The following EPB41L4A variants were observed in gnomAD, a reference collection of about 807,000 sequenced individuals.
EPB41L4A encodes erythrocyte membrane protein band 4.1 like 4A, also known as band 4.1-like protein 4A.
EPB41L4A carries 100 observed loss-of-function variants against 108.6 expected under a neutral mutation model. The observed-to-expected ratio is 0.92, with a 90% CI of 0.78 to 1.09. The LOEUF (loss-of-function observed/expected upper bound fraction) is 1.09, where lower values mean the gene tolerates loss of function less well. EPB41L4A is among the 50% of genes least tolerant of loss of function. The pLI, the probability that EPB41L4A is intolerant of heterozygous loss-of-function variation, is 0.00. For missense variants in EPB41L4A, 1,030 were observed against 842.7 expected (o/e 1.22, Z -2.75); for synonymous variants, 319 against 289.0 (o/e 1.10, Z -1.05).
At chr5:112,288,715 G>A (rs996656376) in intron 2 of EPB41L4A, among the ~76,000 whole-genome samples, 4 of 152,144 alleles carry the variant, frequency 2.6e-5, no homozygotes, top group Non-Finnish European at 4.4e-5. Context: ...GGGCGGGTAG[G>A]CAGGAAACAT....
chr5:112,160,574 T>TA (rs1424278653), downstream of EPB41L4A: 2 of 152,510 alleles, frequency 1.3e-5, no homozygotes, highest in Non-Finnish European at 2.9e-5. Flanking sequence ...CTCCTGCCGC[T>TA]GCCAGCACTG....
At chr5:112,228,617 T>C (rs1561492026) in intron 12 of EPB41L4A, 2 of 808,068 alleles carry the variant, frequency 2.5e-6, no homozygotes, top group Non-Finnish European at 3.0e-6. Context: ...CCATTACTTT[T>C]CTTATAGCTA....
intron 9 of EPB41L4A, chr5:112,256,862 G>C (rs1751133515): frequency 6.6e-6 from 1 of 152,226 alleles, no homozygotes; most frequent in East Asian, 1.9e-4. Context: ...CTTCTTTGCA[G>C]GGTATTTTCT....
At chr5:112,300,444 T>C (rs1754278082) in intron 2 of EPB41L4A, among the ~76,000 whole-genome samples, 1 of 152,182 alleles carries the variant, frequency 6.6e-6, no homozygotes, top group Admixed American at 6.5e-5. Context: ...TGGCTGATAA[T>C]TGTTTTGTTT....
At chr5:112,264,758 A>G in intron 6 of EPB41L4A, 138 bp downstream of exon 6, 1 of 754,616 alleles carries the variant, frequency 1.3e-6, no homozygotes, top group Non-Finnish European at 1.9e-6. Context: ...AGTTAAAATC[A>G]GTTAAACTAT....
intron 2 of EPB41L4A, among the ~76,000 whole-genome samples, chr5:112,296,986 T>C (rs1405682280): frequency 7.9e-6 from 1 of 126,392 alleles, no homozygotes; most frequent in Non-Finnish European, 1.6e-5. Context: ...CATATATACA[T>C]ACATACACAC....
At chr5:112,171,560 C>A (rs935950132) in intron 18 of EPB41L4A, among the ~76,000 whole-genome samples, 1 of 152,240 alleles carries the variant, frequency 6.6e-6, no homozygotes, top group Non-Finnish European at 1.5e-5. Flanking sequence ...CATGCTGCCA[C>A]CCTCTTTACG....
chr5:112,351,403 C>G (rs1221279206), intron 1 of EPB41L4A, among the ~76,000 whole-genome samples: 3 of 152,068 alleles, frequency 2.0e-5, no homozygotes, highest in African/African-American at 7.2e-5. Flanking sequence ...GTACAACCCC[C>G]CAAGACTGAC....
intron 13 of EPB41L4A, chr5:112,143,918 T>C (rs1479431624): frequency 2.2e-6 from 1 of 452,464 alleles, no homozygotes; most frequent in Middle Eastern, 3.3e-4. Context: ...TGTGCTCAGT[T>C]GCCAAAGACA....
intron 1 of EPB41L4A, among the ~76,000 whole-genome samples, chr5:112,411,288 G>C (rs1206866347): frequency 6.6e-6 from 1 of 152,094 alleles, no homozygotes; most frequent in Non-Finnish European, 1.5e-5. Flanking sequence ...GGCAATGTGA[G>C]TAGATGCACA....
intron 2 of EPB41L4A, among the ~76,000 whole-genome samples, chr5:112,284,928 T>C (rs1753187902): frequency 6.6e-6 from 1 of 152,206 alleles, no homozygotes; most frequent in Non-Finnish European, 1.5e-5. Flanking sequence ...ATTTCCTTGG[T>C]AACAGTCTCA....
intron 16 of EPB41L4A, among the ~76,000 whole-genome samples, chr5:112,195,069 A>AT (rs1272956651): frequency 1.3e-5 from 2 of 152,070 alleles, no homozygotes; most frequent in African/African-American, 2.4e-5. Flanking sequence ...CTTGTGACTG[A>AT]TTTTACCAAT....
At chr5:112,193,675 A>G (rs1761818897) in intron 17 of EPB41L4A, among the ~76,000 whole-genome samples, 1 of 152,228 alleles carries the variant, frequency 6.6e-6, no homozygotes, top group African/African-American at 2.4e-5. Context: ...CATTAGGTGA[A>G]AACAGGTTTC....
At chr5:112,259,319 T>C in intron 8 of EPB41L4A, 27 bp from the exon 9 acceptor site, 1 of 1,601,646 alleles carries the variant, frequency 6.2e-7, no homozygotes, top group Non-Finnish European at 8.6e-7. Context: ...ATGGTGTTGC[T>C]GCTGTTTTTA....
intron 10 of EPB41L4A, 64 bp from the exon 11 acceptor site, chr5:112,239,801 C>T (rs958814725): frequency 9.5e-7 from 1 of 1,048,634 alleles, no homozygotes; most frequent in African/African-American, 1.6e-5. Flanking sequence ...GGGCCACCCC[C>T]TTCTCCTAAC....
At chr5:112,180,383 AAAT>A (rs1761085919) in intron 18 of EPB41L4A, among the ~76,000 whole-genome samples, 1 of 152,194 alleles carries the variant, frequency 6.6e-6, no homozygotes, top group Non-Finnish European at 1.5e-5. Context: ...AGGGATAGAC[AAAT>A]AGATCAATGA....
intron 12 of EPB41L4A, among the ~76,000 whole-genome samples, chr5:112,222,647 A>G (rs73787790): frequency 0.055 from 8,343 of 152,220 alleles, 279 homozygotes; most frequent in Middle Eastern, 0.088. Context: ...CTTTCTCTGC[A>G]AACCAGCTTC....
chr5:112,323,865 A>G (rs1755969299), intron 1 of EPB41L4A, among the ~76,000 whole-genome samples: 1 of 152,248 alleles, frequency 6.6e-6, no homozygotes, highest in East Asian at 1.9e-4. Flanking sequence ...GAGGAAAAAG[A>G]ACCAGATTAG....
upstream of EPB41L4A, chr5:112,419,651 T>A: frequency 2.2e-6 from 1 of 456,284 alleles, no homozygotes; most frequent in South Asian, 1.5e-5. Context: ...GCCCCGACCA[T>A]GGGCGCAGGG....
Sources: allele counts gnomAD v4.1 joint callset (sites outside exome capture counted in the v4.1 genomes callset), GRCh38; gene constraint gnomAD v4.1.1; transcripts MANE v1.5; gene names NCBI Gene and HGNC (gene_info 2026-07-23, HGNC 2026-07-21).